PAH: variants seen among roughly 807,000 people sequenced by gnomAD.
The protein encoded by PAH is phenylalanine-4-hydroxylase.
A neutral mutation model predicts 62.0 loss-of-function variants in PAH; 64 were observed. The ratio of observed to expected loss-of-function variants is 1.03; its 90% confidence interval spans 0.84 to 1.27. The LOEUF (loss-of-function observed/expected upper bound fraction) is 1.27, where lower values mean the gene tolerates loss of function less well. PAH is among the 50% of genes most tolerant of loss of function. PAH has a pLI of 0.00. For synonymous variants in PAH, 195 were observed against 196.2 expected (o/e 0.99, Z 0.05); for missense variants, 579 against 542.8 (o/e 1.07, Z -0.66).
chr12:102,862,675 C>A (rs924281827), intron 5 of PAH, among the ~76,000 whole-genome samples: 5 of 152,176 alleles, frequency 3.3e-5, no homozygotes, highest in African/African-American at 9.7e-5. Context: ...CAGTGACTGT[C>A]CCCTAGGCTG....
At chr12:102,852,760 G>C in intron 7 of PAH, 55 bp downstream of exon 7, 1 of 1,612,206 alleles carries the variant, frequency 6.2e-7, no homozygotes, top group East Asian at 2.2e-5. Flanking sequence ...TCTTGCAGCA[G>C]GAAAAGATGG....
chr12:102,876,641 A>G (rs1876575613), intron 4 of PAH, among the ~76,000 whole-genome samples: 1 of 152,220 alleles, frequency 6.6e-6, no homozygotes, highest in Non-Finnish European at 1.5e-5. Context: ...GGCAGAGAAT[A>G]AAGGGCAGGC....
chr12:102,847,700 G>A (rs969573389), intron 8 of PAH, among the ~76,000 whole-genome samples: 6 of 152,138 alleles, frequency 3.9e-5, no homozygotes, highest in African/African-American at 1.4e-4. Flanking sequence ...AAATAAACAA[G>A]AGGGACTAAG....
At chr12:102,883,327 C>T (rs2136686995) in intron 3 of PAH, among the ~76,000 whole-genome samples, 1 of 152,336 alleles carries the variant, frequency 6.6e-6, no homozygotes, top group East Asian at 1.9e-4. Flanking sequence ...TTCTTCCCCA[C>T]AGACCTCAGT....
chr12:102,899,776 G>T (rs1877663467), intron 2 of PAH, among the ~76,000 whole-genome samples: 1 of 134,270 alleles, frequency 7.4e-6, no homozygotes, highest in Non-Finnish European at 1.6e-5. Flanking sequence ...GGAGAATGGC[G>T]TGAACCCGGG....
At chr12:102,934,427 A>C (rs1314616856) in intron 1 of PAH, among the ~76,000 whole-genome samples, 1 of 15,250 alleles carries the variant, frequency 6.6e-5, no homozygotes, top group African/African-American at 2.9e-4. Context: ...TGGTACCTTA[A>C]ATTTTAGGAT....
chr12:102,881,558 C>A (rs1032441265), intron 3 of PAH, among the ~76,000 whole-genome samples: 1 of 152,010 alleles, frequency 6.6e-6, no homozygotes, highest in Non-Finnish European at 1.5e-5. Flanking sequence ...ACATTTGACC[C>A]CCCAGTACTT....
At chr12:102,952,290 G>GA (rs566381743), upstream of PAH, among the ~76,000 whole-genome samples, 307 of 151,660 alleles carry the variant, frequency 2.0e-3, no homozygotes, top group African/African-American at 6.9e-3. Context: ...ACCCAGCAGA[G>GA]AAAAAAATGC....
chr12:102,898,406 C>A (rs1592981086), intron 2 of PAH, among the ~76,000 whole-genome samples: 1 of 152,240 alleles, frequency 6.6e-6, no homozygotes, highest in East Asian at 1.9e-4. Flanking sequence ...ATCATATACA[C>A]TTTATTAAAA....
In PAH at chr12:102,894,738, T is replaced by C. The variant is rs1384860249; in HGVS notation, c.349A>G (p.Thr117Ala). Residue 117 changes from threonine to alanine, a missense_variant, in exon 3 of 13, where the codon ACA (threonine) becomes GCA (alanine). Physicochemically the swap from Thr to Ala is moderately conservative, Grantham distance 58 (BLOSUM62 0). Coordinates refer to ENST00000553106, the MANE Select transcript of PAH (RefSeq NM_000277.3). ...HELSRDKKKD[T>A]VPWFPRTIQE... is the part of the protein sequence containing the mutation. ...GCAAAATTCCTCTAATTCTTACCTG[T>C]GTCTTTCTTCTTATCTCGTGAAAGC... The C allele has an allele frequency of 1.2e-6, 2 of 1,613,844 alleles. No individual in the cohort carries two copies. Among genetic ancestry groups the C allele is most frequent in the Non-Finnish European group, 1.7e-6 (2 of 1,179,714 alleles).
At chr12:102,882,675 T>TATATATAA in intron 3 of PAH, among the ~76,000 whole-genome samples, 1 of 36,362 alleles carries the variant, frequency 2.8e-5, no homozygotes, top group East Asian at 2.2e-3. Context: ...TATATATATA[T>TATATATAA]AAAATTTTTT....
intron 11 of PAH, 81 bp downstream of exon 11, chr12:102,843,565 C>A (rs1197691813): frequency 1.4e-6 from 2 of 1,471,896 alleles, no homozygotes; most frequent in East Asian, 4.5e-5. Flanking sequence ...GGAGTCCACT[C>A]TCCTGGCCAA....
intron 4 of PAH, chr12:102,877,116 G>A (rs1466622916): frequency 1.1e-5 from 4 of 373,688 alleles, no homozygotes; most frequent in Non-Finnish European, 2.1e-5. Context: ...GTTAGTACAG[G>A]TTGCTGTTTA....
chr12:102,881,933 T>G (rs1002605465), intron 3 of PAH, among the ~76,000 whole-genome samples: 1 of 152,220 alleles, frequency 6.6e-6, no homozygotes. Context: ...GGGGTGCAGA[T>G]ATCTCTTTGA....
intron 1 of PAH, among the ~76,000 whole-genome samples, chr12:102,946,364 G>T (rs1402159125): frequency 1.3e-5 from 2 of 152,216 alleles, no homozygotes; most frequent in African/African-American, 4.8e-5. Context: ...GGCCTAGACT[G>T]CCTTTTGAGT....
chr12:102,939,851 A>C (rs1368985207), intron 1 of PAH, among the ~76,000 whole-genome samples: 1 of 152,170 alleles, frequency 6.6e-6, no homozygotes, highest in Non-Finnish European at 1.5e-5. Flanking sequence ...ACAAAAGCCC[A>C]AGCTTGCCCC....
chr12:102,926,676 C>A (rs1329888454), intron 1 of PAH, among the ~76,000 whole-genome samples: 2 of 151,838 alleles, frequency 1.3e-5, no homozygotes, highest in Non-Finnish European at 2.9e-5. Context: ...CTAAACAGAA[C>A]CACAATTAAA....
chr12:102,838,846 C>G lies in PAH; in HGVS notation c.*329G>C. 7.9e-6 allele frequency: 3 copies of G among 378,832 alleles called. No individual in the cohort carries two copies. Among genetic ancestry groups the G allele is most frequent in the Non-Finnish European group, 1.5e-5 (3 of 204,902 alleles). The allele number at this position is 378,832 out of a possible 1,614,324, so 23.5% of individuals were successfully genotyped here. ...GCTCCTTTATGAGTTCTCTGCAAAGCATATATGAAGCTTGAATGAAGCAGG... is the reference window on the plus strand; with the variant it reads ...GCTCCTTTATGAGTTCTCTGCAAAGGATATATGAAGCTTGAATGAAGCAGG... On this transcript the variant is annotated 3_prime_UTR_variant, in exon 13 of 13. Transcript: ENST00000553106.
rs993722199 is a variant in PAH at position 102,838,132 on chromosome 12, C to T, written c.*1043G>A. 1.3e-5 allele frequency: 2 copies of T among 152,134 alleles called. No individual in the cohort carries two copies. Among genetic ancestry groups the T allele is most frequent in the Non-Finnish European group, 2.9e-5 (2 of 68,016 alleles). The allele number at this position is 152,134 out of a possible 1,614,324, so 9.4% of individuals were successfully genotyped here. On this transcript the variant is annotated 3_prime_UTR_variant, in exon 13 of 13. Transcript: ENST00000553106. The stretch of plus-strand genomic sequence containing the variant: ...CAGATATTCATGTTTTCATGGCAAA[C>T]ACACAATCAACAAAAGTCAAAGTCC...
Sources: gnomAD v4.1 joint callset for allele counts (sites outside exome capture counted in the v4.1 genomes callset) on GRCh38, gnomAD v4.1.1 for gene constraint, MANE v1.5 for transcripts, NCBI Gene and HGNC (gene_info 2026-07-23, HGNC 2026-07-21) for gene names.